The following TRRAP variants were observed in gnomAD, a reference collection of about 807,000 sequenced individuals.
TRRAP encodes the protein transformation/transcription domain-associated protein.
In TRRAP, 41 loss-of-function variants were observed where a neutral mutation model predicts 438.8. That is an observed-to-expected ratio of 0.09 (90% CI 0.07 to 0.12). The LOEUF (loss-of-function observed/expected upper bound fraction) is 0.12, where lower values mean the gene tolerates loss of function less well. TRRAP is among the 10% of genes least tolerant of loss of function. TRRAP has a pLI of 1.00. For missense variants in TRRAP, 3,122 were observed against 5,055.1 expected, an observed-to-expected ratio of 0.62 and a Z score of 11.60; for synonymous variants, 1,994 against 1,962.9, an observed-to-expected ratio of 1.02 and a Z score of -0.42.
intron 21 of TRRAP, 115 bp from the exon 22 acceptor site, chr7:98,924,997 T>A: frequency 2.9e-6 from 4 of 1,375,176 alleles, no homozygotes; most frequent in Non-Finnish European, 3.9e-6. Flanking sequence ...AGAGCGAGAC[T>A]CCGTCTCAAA....
In TRRAP at chr7:98,965,697, T is replaced by G; in HGVS notation, c.6978T>G (p.Gly2326=). 6.2e-7 allele frequency: 1 copy of G among 1,613,950 alleles called. No individual in the cohort carries two copies. Among genetic ancestry groups the G allele is most frequent in the Non-Finnish European group, 8.5e-7 (1 of 1,180,024 alleles). ...AASGSTEATS[G]TSELVMLSLE... ...TTTGTTCTTAATTGGGGCGAGCAGG[T>G]ACAAGCGAGCTGGTGATGCTGAGTC... is the stretch of plus-strand genomic sequence containing the variant. Residue 2326 remains glycine, a splice_region_variant and synonymous_variant, in exon 49 of 73, where the codon GGT becomes GGG. Transcript: ENST00000456197.
chr7:98,911,845 A>T (rs1185627359), intron 17 of TRRAP, among the ~76,000 whole-genome samples, 177 bp from the exon 18 acceptor site: 1 of 152,052 alleles, frequency 6.6e-6, no homozygotes, highest in Non-Finnish European at 1.5e-5. Context: ...CATTGAAGTG[A>T]ACTGCCCTGC....
Position 98,994,954 on chromosome 7 carries a change from C to T in TRRAP, c.10309+106C>T, listed in dbSNP as rs909997515. 29 of 1,454,786 alleles carry T rather than the reference C, an allele frequency of 2.0e-5. No homozygotes were observed. The East Asian group carries it at 2.5e-4, about 13-fold the overall frequency. The allele number at this position is 1,454,786 out of a possible 1,614,324, so 90.1% of individuals were successfully genotyped here. ...GATCCTTGGTTTTCTGATCACTGCA[C>T]GGGGCACACTGGTTACACTCTGTTT... is the stretch of plus-strand genomic sequence containing the variant. On this transcript the variant is annotated intron_variant, in intron 67 of 72. Transcript: ENST00000456197. The surrounding 1 kb of genome is among the most constrained non-coding windows in gnomAD (Gnocchi z 4.8).
At chr7:98,916,476 G>C (rs1331409002) in intron 19 of TRRAP, among the ~76,000 whole-genome samples, 1 of 152,180 alleles carries the variant, frequency 6.6e-6, no homozygotes, top group African/African-American at 2.4e-5. Flanking sequence ...TTCTTGGTAT[G>C]GTGAGCTCTT....
At chr7:98,978,983 C>T in intron 58 of TRRAP, 79 bp downstream of exon 58, 3 of 1,573,402 alleles carry the variant, frequency 1.9e-6, no homozygotes, top group Non-Finnish European at 2.6e-6. Context: ...GGAGATTTCC[C>T]TTAGAACAAG....
intron 3 of TRRAP, among the ~76,000 whole-genome samples, chr7:98,889,997 G>C (rs1305350052): frequency 1.3e-5 from 2 of 152,120 alleles, no homozygotes; most frequent in East Asian, 3.8e-4. Flanking sequence ...TTGTTTTCCA[G>C]ATCAAGAAAC....
chr7:98,984,922 TCTG>T lies in TRRAP; in HGVS notation c.9289-19_9289-17del, dbSNP rs1312351259. On this transcript the variant is annotated intron_variant, in intron 61 of 72. Transcript: ENST00000456197. ...GTTTAGAAATTTCAAGAACTTTTTT[TCTG>T]CTCATTTTTTTTGAACAGGGCCTTG... is the stretch of plus-strand genomic sequence containing the variant. 4.5e-6 allele frequency: 7 copies of T among 1,540,384 alleles called. No individual in the cohort carries two copies. The highest frequency in any genetic ancestry group is 3.7e-5 in the Admixed American group (2 of 53,916).
Position 98,917,561 on chromosome 7 carries a change from T to A in TRRAP, c.2504T>A (p.Leu835His), listed in dbSNP as rs1554409705. Residue 835 changes from leucine (L) to histidine (H), a missense_variant, in exon 20 of 73, where the codon CTC becomes CAC. Leu to His is a moderately conservative substitution (Grantham distance 99, BLOSUM62 -3). Around this residue, in one of 24 missense-constraint regions of TRRAP, gnomAD observed 20 missense variants for 100.7 expected, o/e 0.20. Transcript: ENST00000456197. ...CTTATGGATCCCTTGGTGTCTGCAC[T>A]CAATGGGTCTCAGACATTGGTCAGC... ...PMLMDPLVSA[L>H]NGSQTLVSQG... is the part of the protein sequence containing the mutation. 1 of 1,614,234 alleles carries A rather than the reference T, an allele frequency of 6.2e-7. No individual in the cohort carries two copies.
At chr7:98,931,764 T>C in intron 26 of TRRAP, 99 bp downstream of exon 26, 3 of 1,510,394 alleles carry the variant, frequency 2.0e-6, no homozygotes, top group Admixed American at 2.1e-5. Flanking sequence ...TAATTTTGTG[T>C]CTTGGTATCT....
At chr7:98,933,436 G>A in intron 27 of TRRAP, 34 bp downstream of exon 27, 1 of 1,592,636 alleles carries the variant, frequency 6.3e-7, no homozygotes, top group Admixed American at 1.7e-5. Context: ...GGTGTGGATG[G>A]TGATGACGTG....
At position 98,897,742 on chromosome 7, in the gene TRRAP, A is replaced by G; in HGVS notation, c.509A>G (p.Asn170Ser). ...QIYKELPKVV[N>S]RYFENPQVIP... is the part of the protein sequence containing the mutation. ...AATATTTTTATGACTTTTATGTAGAACCGCTACTTTGAGAACCCTCAAGTG... is the reference window on the plus strand; with the variant it reads ...AATATTTTTATGACTTTTATGTAGAGCCGCTACTTTGAGAACCCTCAAGTG... Residue 170 changes from asparagine (N) to serine (S), a missense_variant and splice_region_variant, in exon 8 of 73, where the codon AAC becomes AGC. Asn to Ser is a conservative substitution (Grantham distance 46). Around this residue, in one of 24 missense-constraint regions of TRRAP, gnomAD observed 343 missense variants for 564.0 expected, o/e 0.61. Transcript: ENST00000456197. The G allele has an allele frequency of 1.2e-6, 2 of 1,612,832 alleles. No individual in the cohort carries two copies. Among genetic ancestry groups the G allele is most frequent in the Non-Finnish European group, 1.7e-6 (2 of 1,179,652 alleles).
chr7:98,901,167 T>C (rs1439985133), intron 11 of TRRAP, among the ~76,000 whole-genome samples: 4 of 152,250 alleles, frequency 2.6e-5, no homozygotes, highest in Non-Finnish European at 2.9e-5. Flanking sequence ...TGTCTCACAG[T>C]TCTGGAGGCT....
chr7:98,885,267 T>TC, intron 3 of TRRAP, among the ~76,000 whole-genome samples: 1 of 151,546 alleles, frequency 6.6e-6, no homozygotes, highest in East Asian at 2.0e-4. Flanking sequence ...TTTTTTTTTT[T>TC]AGAGACAGGG....
At chr7:98,927,555 C>T (rs1201313798) in intron 23 of TRRAP, among the ~76,000 whole-genome samples, 189 bp downstream of exon 23, 1 of 152,198 alleles carries the variant, frequency 6.6e-6, no homozygotes, top group Non-Finnish European at 1.5e-5. Context: ...ACTATATCAG[C>T]TTGAAAGTTA....
chr7:98,880,515 G>T (rs559127239), intron 1 of TRRAP, among the ~76,000 whole-genome samples: 2 of 152,054 alleles, frequency 1.3e-5, no homozygotes, highest in Non-Finnish European at 2.9e-5. Flanking sequence ...CCCTGCCTTC[G>T]CCTTCCAAAG....
rs781803289 is a variant in TRRAP, at chr7:98,911,250, C to G, written c.1986C>G (p.Ile662Met). 6.2e-7 allele frequency: 1 copy of G among 1,610,556 alleles called. No individual in the cohort carries two copies. Among genetic ancestry groups the G allele is most frequent in the Non-Finnish European group, 8.5e-7 (1 of 1,178,600 alleles). ...CGGTCCCTTATATGGTGGAGAGAAT[C>G]TCAAAAAATTATGCTCTTCAGGTAT... ...QTTVPYMVER[I>M]SKNYALQIVA... Residue 662 changes from isoleucine to methionine, a missense_variant, in exon 17 of 73, where the codon ATC becomes ATG. Ile to Met is a conservative substitution (Grantham distance 10). Around this residue, in one of 24 missense-constraint regions of TRRAP, gnomAD observed 149 missense variants for 302.8 expected, o/e 0.49. Transcript: ENST00000456197.
rs781811597 is a variant in TRRAP at position 98,908,623 on chromosome 7, G to A, written c.1116-105G>A. ...TGAAAATGGGCCATGTAAGTGTGCCGACCCAGGGGTGGTGTTCCTGGGGCA... is the reference window on the plus strand; with the variant it reads ...TGAAAATGGGCCATGTAAGTGTGCCAACCCAGGGGTGGTGTTCCTGGGGCA... On this transcript the variant is annotated intron_variant, in intron 13 of 72. Transcript: ENST00000456197. The surrounding 1 kb of genome is among the most constrained non-coding windows in gnomAD (Gnocchi z 4.1). 75 of 1,024,828 alleles carry A rather than the reference G, an allele frequency of 7.3e-5. 1 individual carries two copies. Among genetic ancestry groups the A allele is most frequent in the Admixed American group, 4.2e-4 (20 of 47,256 alleles). 63.5% of individuals were successfully genotyped at this position (1,024,828 alleles called of 1,614,324 possible). A position where few individuals can be genotyped will look rare whatever the true frequency, so the allele number is the denominator to read the frequency against.
intron 20 of TRRAP, among the ~76,000 whole-genome samples, chr7:98,920,011 G>T (rs1261489439): frequency 6.6e-6 from 1 of 152,176 alleles, no homozygotes; most frequent in African/African-American, 2.4e-5. Flanking sequence ...GAGGTGAGAG[G>T]TCTTAGACTA....
chr7:98,989,582 T>C (rs1290242939), intron 63 of TRRAP, among the ~76,000 whole-genome samples: 1 of 152,258 alleles, frequency 6.6e-6, no homozygotes, highest in Non-Finnish European at 1.5e-5. Context: ...GTTTGGATTT[T>C]TTAGAATTCC....
Sources: gnomAD v4.1 joint callset for allele counts (sites outside exome capture counted in the v4.1 genomes callset) on GRCh38, gnomAD v4.1.1 for gene constraint, gnomAD v4.1.1 regional missense constraint, Gnocchi (gnomAD v3.1) non-coding constraint, MANE v1.5 for transcripts, NCBI Gene and HGNC (gene_info 2026-07-23, HGNC 2026-07-21) for gene names.